Variants in AK5 observed in about 807,000 individuals in gnomAD.
AK5 encodes the protein adenylate kinase 5, also known as adenylate kinase isoenzyme 5.
In AK5, 27 loss-of-function variants were observed where a neutral mutation model predicts 69.5. The ratio of observed to expected loss-of-function variants is 0.39; its 90% CI spans 0.29 to 0.54. The LOEUF (loss-of-function observed/expected upper bound fraction) is 0.54. Among genes scored for constraint, AK5 ranks in the 20% least tolerant of loss-of-function variants. The pLI is 0.71. For synonymous variants in AK5, 260 were observed against 244.4 expected (o/e 1.06, Z -0.60); for missense variants, 531 against 700.4 (o/e 0.76, Z 2.73).
chr1:77,448,896 G>A (rs547362943), intron 8 of AK5, among the ~76,000 whole-genome samples: 1 of 152,308 alleles, frequency 6.6e-6, no homozygotes, highest in South Asian at 2.1e-4. Flanking sequence ...AGTATGCCTG[G>A]TCCAGCCACA....
rs531179671 is a variant in AK5, at chr1:77,309,628, A to G, written c.699+11681A>G. Among the ~76,000 whole-genome samples, 278 of 152,268 alleles carry G rather than the reference A, an allele frequency of 1.8e-3. 1 individual carries two copies. Among genetic ancestry groups the G allele is most frequent in the Admixed American group, 3.5e-3 (53 of 15,300 alleles). Reference sequence around the variant, plus strand: ...ATGTTGCTTTAAAATTTGTTTTATCATCAGTACTTACCTTTTTATTTTATT... The same window carrying G: ...ATGTTGCTTTAAAATTTGTTTTATCGTCAGTACTTACCTTTTTATTTTATT... On this transcript the variant is annotated intron_variant, in intron 5 of 13. Transcript: ENST00000354567.
intron 13 of AK5, 28 bp downstream of exon 13, chr1:77,536,066 A>T: frequency 6.4e-7 from 1 of 1,568,570 alleles, no homozygotes; most frequent in South Asian, 1.2e-5. Flanking sequence ...CTCCTCTGAA[A>T]TGAGCCGCTT....
At chr1:77,485,440 T>C (rs578120895) in intron 9 of AK5, among the ~76,000 whole-genome samples, 5 of 152,304 alleles carry the variant, frequency 3.3e-5, no homozygotes, top group African/African-American at 9.6e-5. Flanking sequence ...AAAAAATGTT[T>C]CCTGTCAGAA....
chr1:77,453,919 A>G (rs1461475895), intron 8 of AK5, among the ~76,000 whole-genome samples: 1 of 152,176 alleles, frequency 6.6e-6, no homozygotes, highest in African/African-American at 2.4e-5. Context: ...CTTATTGGTA[A>G]AGGAACTTTC....
intron 6 of AK5, among the ~76,000 whole-genome samples, chr1:77,399,873 G>A (rs868221694): frequency 5.9e-5 from 9 of 152,336 alleles, no homozygotes; most frequent in Middle Eastern, 3.4e-3. Flanking sequence ...AAAGAGGATT[G>A]CTGGGCAGTA....
chr1:77,412,741 C>G (rs1224277682), intron 7 of AK5, among the ~76,000 whole-genome samples: 1 of 151,646 alleles, frequency 6.6e-6, no homozygotes, highest in Non-Finnish European at 1.5e-5. Context: ...TCTCTCAACT[C>G]TCTTTCTGCA....
At chr1:77,364,731 T>C (rs796065701) in intron 6 of AK5, among the ~76,000 whole-genome samples, 3 of 152,354 alleles carry the variant, frequency 2.0e-5, no homozygotes, top group African/African-American at 7.2e-5. Context: ...AATAGTATTC[T>C]GTTGGATGTG....
At chr1:77,363,230 C>A (rs1412374587) in intron 6 of AK5, among the ~76,000 whole-genome samples, 1 of 152,156 alleles carries the variant, frequency 6.6e-6, no homozygotes, top group East Asian at 1.9e-4. Context: ...CACCTCTATC[C>A]TTCTATAGGA....
chr1:77,291,692 A>G (rs988120759), intron 2 of AK5, among the ~76,000 whole-genome samples: 8 of 152,370 alleles, frequency 5.3e-5, no homozygotes, highest in Admixed American at 3.3e-4. Flanking sequence ...GACACTGACC[A>G]TCTGCCAAGC....
intron 7 of AK5, among the ~76,000 whole-genome samples, chr1:77,413,392 C>A (rs1490983555): frequency 2.0e-5 from 3 of 152,150 alleles, no homozygotes; most frequent in Non-Finnish European, 2.9e-5. Flanking sequence ...CTTTCTCAGA[C>A]CCCACCCCAG....
chr1:77,470,855 ATATATATATATATATATATATTT>A (rs1288435232), intron 8 of AK5, among the ~76,000 whole-genome samples: 29 of 2,882 alleles, frequency 0.01, 2 homozygotes, highest in African/African-American at 0.022. Flanking sequence ...ATATATATAT[ATATATATATATATATATATATTT>A]TTTTTTTTTT....
chr1:77,451,418 C>T (rs987100443), intron 8 of AK5, among the ~76,000 whole-genome samples: 3 of 152,104 alleles, frequency 2.0e-5, no homozygotes, highest in African/African-American at 4.8e-5. Flanking sequence ...TATAGGAACA[C>T]CATATTTATT....
intron 10 of AK5, among the ~76,000 whole-genome samples, chr1:77,493,333 C>CA (rs1439317611): frequency 1.3e-5 from 2 of 151,718 alleles, no homozygotes; most frequent in African/African-American, 2.4e-5. Flanking sequence ...CAGCAGCCCC[C>CA]CCCAGGTTCT....
At chr1:77,383,559 G>A (rs1647799723) in intron 6 of AK5, among the ~76,000 whole-genome samples, 1 of 152,112 alleles carries the variant, frequency 6.6e-6, no homozygotes, top group Admixed American at 6.5e-5. Flanking sequence ...TGCTAATATG[G>A]CATTCTCTAG....
chr1:77,514,122 C>T (rs185264974), intron 10 of AK5, among the ~76,000 whole-genome samples: 204 of 152,286 alleles, frequency 1.3e-3, no homozygotes, highest in Middle Eastern at 3.4e-3. Context: ...TCACAGGGAA[C>T]GCTTTTTACA....
chr1:77,391,495 G>GTATATA (rs753916010), intron 6 of AK5, among the ~76,000 whole-genome samples: 1 of 63,412 alleles, frequency 1.6e-5, no homozygotes, highest in Admixed American at 1.8e-4. Context: ...GTGTGTGTGT[G>GTATATA]TATATATATA....
intron 8 of AK5, among the ~76,000 whole-genome samples, chr1:77,444,725 A>G (rs1371586616): frequency 7.0e-6 from 1 of 143,286 alleles, no homozygotes; most frequent in Non-Finnish European, 1.5e-5. Context: ...AATATATACA[A>G]ATATATGTAT....
intron 5 of AK5, among the ~76,000 whole-genome samples, chr1:77,303,953 TCA>T: frequency 6.6e-6 from 1 of 152,320 alleles, no homozygotes; most frequent in Middle Eastern, 3.4e-3. Context: ...AATAAGCACA[TCA>T]TGAAGAATGG....
intron 6 of AK5, among the ~76,000 whole-genome samples, chr1:77,385,152 TTTTTGTTTTG>T (rs1355869008): frequency 3.3e-5 from 5 of 151,938 alleles, no homozygotes; most frequent in African/African-American, 1.2e-4. Flanking sequence ...TGTTTTTTTG[TTTTTGTTTTG>T]TTTTGTTTTG....
Sources: allele counts gnomAD v4.1 joint callset (sites outside exome capture counted in the v4.1 genomes callset), GRCh38; gene constraint gnomAD v4.1.1; transcripts MANE v1.5; gene names NCBI Gene and HGNC (gene_info 2026-07-23, HGNC 2026-07-21).